ZNF384: variants seen among roughly 807,000 people sequenced by gnomAD.
The protein encoded by ZNF384 is CAG repeat protein 1.
Under a neutral mutation model 65.0 loss-of-function variants are expected in ZNF384, and 20 were observed. The ratio of observed to expected loss-of-function variants is 0.31; its 90% CI spans 0.22 to 0.45. The LOEUF is 0.45. Ranked by LOEUF, ZNF384 falls within the 20% of genes least tolerant of loss-of-function variation. ZNF384 has a pLI of 1.00. For synonymous variants in ZNF384, 310 were observed against 303.9 expected (o/e 1.02, Z -0.21); for missense variants, 549 against 769.4 (o/e 0.71, Z 3.39).
Position 6,678,712 on chromosome 12 carries a change from T to A in ZNF384, c.305-2A>T, listed in dbSNP as rs770856410. On this transcript the variant is annotated splice_acceptor_variant, in intron 4 of 11. Coordinates refer to ENST00000683879, the MANE Select transcript of ZNF384 (RefSeq NM_001385745.1). LOFTEE classifies it high-confidence loss of function. This position sits in a 1 kb window ranked among gnomAD's most constrained non-coding sequence, Gnocchi z 4.9. The stretch of plus-strand genomic sequence containing the variant: ...TCCACCTCTGAGAACAGGAGACTCC[T>A]TGATTCAGAGAAGGAAAGAATGTCA... 6.2e-7 allele frequency: 1 copy of A among 1,613,932 alleles called. No individual in the cohort carries two copies. Among genetic ancestry groups the A allele is most frequent in the Admixed American group, 1.7e-5 (1 of 59,986 alleles).
intron 2 of ZNF384, among the ~76,000 whole-genome samples, chr12:6,683,661 CAAAAA>C (rs550687196): frequency 1.5e-5 from 1 of 66,654 alleles, no homozygotes. Context: ...GACCCTGTCT[CAAAAA>C]AAAAAAAAAA....
At position 6,673,494 on chromosome 12, in the gene ZNF384, G is replaced by A; in HGVS notation, c.780-54C>T. The A allele has an allele frequency of 6.5e-7, 1 of 1,531,466 alleles. No individual in the cohort carries two copies. Among genetic ancestry groups the A allele is most frequent in the Non-Finnish European group, 9.0e-7 (1 of 1,116,684 alleles). The allele number at this position is 1,531,466 out of a possible 1,614,324, so 94.9% of individuals were successfully genotyped here. A position where few individuals can be genotyped will look rare whatever the true frequency, so the allele number is the denominator to read the frequency against. ...CCCTTCCCATCAAGAAGGTGTGGCTGAACCCTCCCCTCTACTTCCAAGAGA... is the reference window on the plus strand; with the variant it reads ...CCCTTCCCATCAAGAAGGTGTGGCTAAACCCTCCCCTCTACTTCCAAGAGA... On this transcript the variant is annotated intron_variant, in intron 7 of 11. Transcript: ENST00000683879. This position sits in a 1 kb window ranked among gnomAD's most constrained non-coding sequence, Gnocchi z 4.7.
rs1226546911 is a variant in ZNF384 at position 6,672,186 on chromosome 12, TC to T, written c.1187+163del. The T allele has an allele frequency of 1.5e-6, 1 of 682,020 alleles. No homozygotes were observed. Among genetic ancestry groups the T allele is most frequent in the African/African-American group, 1.8e-5 (1 of 55,308 alleles). 42.2% of individuals were successfully genotyped at this position (682,020 alleles called of 1,614,324 possible). On this transcript the variant is annotated intron_variant, in intron 9 of 11. Transcript: ENST00000683879. The surrounding 1 kb of genome is among the most constrained non-coding windows in gnomAD (Gnocchi z 4.4). ...CAGAGAAGCTCTGTGTCCACTTGAA[TC>T]TCCAGTGTTGTTTGGTCTTCCTTCT...
At position 6,678,108 on chromosome 12, in the gene ZNF384, C is replaced by T; in HGVS notation, c.686+19G>A. 6.3e-7 allele frequency: 1 copy of T among 1,598,244 alleles called. No homozygotes were observed. On this transcript the variant is annotated intron_variant, in intron 6 of 11. Transcript: ENST00000683879. This position sits in a 1 kb window ranked among gnomAD's most constrained non-coding sequence, Gnocchi z 4.9. ...GCCAGGGATCCTCGCCCCATCCTGC[C>T]CCTGGCTCTGAGTCTTACCTGTAGG...
At chr12:6,680,167 GT>G (rs1172688354) in intron 2 of ZNF384, among the ~76,000 whole-genome samples, 2 of 152,076 alleles carry the variant, frequency 1.3e-5, no homozygotes, top group East Asian at 3.9e-4. Flanking sequence ...GTTTTTCCAT[GT>G]TGCCCAGGCT....
In ZNF384 at chr12:6,668,077, C is replaced by T. The variant is rs201845505; in HGVS notation, c.1464G>A (p.Pro488=). Residue 488 remains proline, a synonymous_variant, in exon 12 of 12, where the codon CCG becomes CCA. Transcript: ENST00000683879. ...CCTGCACCTGTTGCTGAAGATCAGG[C>T]GGGTTGTGTTTGCGCATATGTTTCA... The part of the protein sequence containing the change: ...YLMKHMRKHN[P]PDLQQQVQAA... The T allele has an allele frequency of 4.0e-5, 65 of 1,609,284 alleles. No individual in the cohort carries two copies. The highest frequency in any genetic ancestry group is 1.3e-4 in the East Asian group (6 of 44,810).
chr12:6,688,455 G>A (rs370480658), intron 1 of ZNF384: 1 of 152,302 alleles, frequency 6.6e-6, no homozygotes, highest in African/African-American at 2.4e-5. Flanking sequence ...TCTATCACCA[G>A]CGTTTGGGTT....
chr12:6,688,100 G>C (rs1308542893), intron 2 of ZNF384, 67 bp downstream of exon 2: 1 of 152,430 alleles, frequency 6.6e-6, no homozygotes, highest in Non-Finnish European at 1.5e-5. Flanking sequence ...ACACACACAC[G>C]CCCCATTTGG....
chr12:6,679,553 C>A (rs370337064), intron 2 of ZNF384, 28 bp from the exon 3 acceptor site: 8 of 1,575,266 alleles, frequency 5.1e-6, no homozygotes, highest in Non-Finnish European at 4.4e-6. Flanking sequence ...GAACATGTCA[C>A]ACTCAGGAAT....
chr12:6,678,779 C>G lies in ZNF384; in HGVS notation c.305-69G>C. On this transcript the variant is annotated intron_variant, in intron 4 of 11. Coordinates refer to ENST00000683879, the MANE Select transcript of ZNF384 (RefSeq NM_001385745.1). The surrounding 1 kb of genome is among the most constrained non-coding windows in gnomAD (Gnocchi z 4.9). The stretch of plus-strand genomic sequence containing the variant: ...GACCGCATCTTCTACTTCTTTGTAT[C>G]CCCCACAATGCCTAGCACATTGCTA... 4.5e-6 allele frequency: 7 copies of G among 1,562,888 alleles called. No individual in the cohort carries two copies. Among genetic ancestry groups the G allele is most frequent in the Middle Eastern group, 1.7e-4 (1 of 5,938 alleles).
intron 2 of ZNF384, among the ~76,000 whole-genome samples, chr12:6,684,280 T>C (rs1204377932): frequency 2.0e-5 from 3 of 152,190 alleles, no homozygotes; most frequent in Non-Finnish European, 4.4e-5. Context: ...ACCAAAACCA[T>C]ATAACTGTAG....
intron 10 of ZNF384, among the ~76,000 whole-genome samples, chr12:6,669,622 G>C (rs1188626344): frequency 6.6e-6 from 1 of 151,630 alleles, no homozygotes; most frequent in Non-Finnish European, 1.5e-5. Context: ...GCCTCAGCCT[G>C]CAAGTAGCTG....
chr12:6,669,332 A>C, intron 10 of ZNF384, 143 bp from the exon 11 acceptor site: 1 of 864,464 alleles, frequency 1.2e-6, no homozygotes, highest in Non-Finnish European at 1.7e-6. Context: ...TTTCAAATGA[A>C]ACTTGAGAAG....
At chr12:6,687,306 C>T (rs575024854) in intron 2 of ZNF384, among the ~76,000 whole-genome samples, 3 of 152,306 alleles carry the variant, frequency 2.0e-5, no homozygotes, top group Admixed American at 6.5e-5. Context: ...TGGGCACCAC[C>T]GGACCACTTT....
chr12:6,685,102 C>T (rs1957423402), intron 2 of ZNF384, among the ~76,000 whole-genome samples: 1 of 152,094 alleles, frequency 6.6e-6, no homozygotes, highest in East Asian at 1.9e-4. Flanking sequence ...GTAAGAGAAT[C>T]ACTTGAGCCC....
chr12:6,672,752 A>C lies in ZNF384; in HGVS notation c.1005-220T>G, dbSNP rs1952005703. ...GGCTAGAATGGCAGTGAGATGATGA[A>C]GAGCTGCAACCCATGGCTCCTGGTA... On this transcript the variant is annotated intron_variant, in intron 8 of 11. Coordinates refer to ENST00000683879, the MANE Select transcript of ZNF384 (RefSeq NM_001385745.1). This position sits in a 1 kb window ranked among gnomAD's most constrained non-coding sequence, Gnocchi z 4.4. 6.6e-6 allele frequency among the ~76,000 whole-genome samples: 1 copy of C among 152,178 alleles called. No homozygotes were observed. The highest frequency in any genetic ancestry group is 6.5e-5 in the Admixed American group (1 of 15,270).
In ZNF384 at chr12:6,667,986, C is replaced by G. The variant is rs375636826; in HGVS notation, c.1555G>C (p.Ala519Pro). The G allele has an allele frequency of 5.5e-5, 88 of 1,612,490 alleles. No homozygotes were observed. Among genetic ancestry groups the G allele is most frequent in the Admixed American group, 1.8e-4 (11 of 59,850 alleles). ...GCCTGGGCCTGGGCCTGGGCTTGAG[C>G]CTGAGCCTGAGCCTGGGCTTGAGCT... is the stretch of plus-strand genomic sequence containing the variant. Reference protein sequence around the residue: ...AQAQAQAQAQAQAQAQAQASQ... With the variant: ...AQAQAQAQAQPQAQAQAQASQ... Residue 519 changes from alanine (A) to proline (P), a missense_variant, in exon 12 of 12, where the codon GCT becomes CCT. By Grantham distance (27) the Ala-to-Pro change is conservative (BLOSUM62 -1). This residue lies in a region of ZNF384 where 136 missense variants were observed against 183.0 expected (regional missense o/e 0.74). Transcript: ENST00000683879.
Position 6,667,615 on chromosome 12 carries a change from G to C in ZNF384, c.*99C>G, listed in dbSNP as rs778321232. 3 of 1,509,584 alleles carry C rather than the reference G, an allele frequency of 2.0e-6. No individual in the cohort carries two copies. The highest frequency in any genetic ancestry group is 2.7e-6 in the Non-Finnish European group (3 of 1,092,294). The allele number at this position is 1,509,584 out of a possible 1,614,324, so 93.5% of individuals were successfully genotyped here. ...CAGAGGCCCAAGGAGATGGAGCCAA[G>C]GCCTGTCAAGGAAGAAAAGGACTTT... On this transcript the variant is annotated 3_prime_UTR_variant, in exon 12 of 12. Coordinates refer to ENST00000683879, the MANE Select transcript of ZNF384 (RefSeq NM_001385745.1).
chr12:6,675,287 C>T (rs1953062576), intron 7 of ZNF384, among the ~76,000 whole-genome samples: 1 of 152,200 alleles, frequency 6.6e-6, no homozygotes, highest in South Asian at 2.1e-4. Context: ...TTAGGCACTT[C>T]AGACACATTG....
Sources: gnomAD v4.1 joint callset for allele counts (sites outside exome capture counted in the v4.1 genomes callset) on GRCh38, gnomAD v4.1.1 for gene constraint, gnomAD v4.1.1 regional missense constraint, Gnocchi (gnomAD v3.1) non-coding constraint, MANE v1.5 for transcripts, NCBI Gene and HGNC (gene_info 2026-07-23, HGNC 2026-07-21) for gene names.